The following BRD2 variants were observed in gnomAD, a reference collection of about 807,000 sequenced individuals.
The protein encoded by BRD2 is bromodomain-containing protein 2.
BRD2 carries 15 observed loss-of-function variants against 79.1 expected under a neutral mutation model. The ratio of observed to expected loss-of-function variants is 0.19; its 90% confidence interval spans 0.13 to 0.29. The LOEUF (loss-of-function observed/expected upper bound fraction) is 0.29. Among genes scored for constraint, BRD2 ranks in the 10% least tolerant of loss-of-function variants. The probability of loss-of-function intolerance (pLI) is 1.00; values close to 1 mark genes in which losing one functional copy is unlikely to be tolerated. For synonymous variants in BRD2, 488 were observed against 358.6 expected, an observed-to-expected ratio of 1.36 and a Z score of -4.08; for missense variants, 1,053 against 991.3, an observed-to-expected ratio of 1.06 and a Z score of -0.84.
intron 2 of BRD2, among the ~76,000 whole-genome samples, chr6:32,973,350 G>C (rs12196639): frequency 0.025 from 3,837 of 152,202 alleles, 71 homozygotes; most frequent in Middle Eastern, 0.034. Context: ...GACTGGCAAC[G>C]GGGATTCCCA....
intron 3 of BRD2, chr6:32,975,173 A>G (rs1182040613): frequency 2.9e-6 from 4 of 1,395,746 alleles, no homozygotes; most frequent in Non-Finnish European, 3.9e-6. Context: ...AGAGAAAGGC[A>G]GCAGGGGCCT....
Position 32,976,022 on chromosome 6 carries a change from T to G in BRD2, c.472-9T>G. Reference sequence around the variant, plus strand: ...TTAACTTTCTTTATTGCTGTCTGTGTTCTCATAGCCCACTGATGATATTGT... The same window carrying G: ...TTAACTTTCTTTATTGCTGTCTGTGGTCTCATAGCCCACTGATGATATTGT... On this transcript the variant is annotated splice_polypyrimidine_tract_variant and intron_variant, in intron 4 of 12. Transcript: ENST00000374825. The G allele has an allele frequency of 6.3e-7, 1 of 1,589,956 alleles. No individual in the cohort carries two copies. The highest frequency in any genetic ancestry group is 1.1e-5 in the South Asian group (1 of 87,016).
At chr6:32,973,295 C>T (rs902263244) in intron 2 of BRD2, among the ~76,000 whole-genome samples, 6 of 152,054 alleles carry the variant, frequency 3.9e-5, no homozygotes, top group East Asian at 1.9e-4. Context: ...TTCACGGACA[C>T]CTCTAGCGCC....
At chr6:32,977,131 T>G (rs1024601328) in intron 7 of BRD2, 195 bp downstream of exon 7, 7 of 1,257,736 alleles carry the variant, frequency 5.6e-6, no homozygotes, top group Non-Finnish European at 5.4e-6. Flanking sequence ...GGGTGGGGTT[T>G]CTTTGTCTTG....
Position 32,969,220 on chromosome 6 carries a change from G to A in BRD2, c.-1305+164G>A, listed in dbSNP as rs1777727773. The stretch of plus-strand genomic sequence containing the variant: ...TGGGAGCGTGGAGGGGGGGCGAGCG[G>A]GAGAGGGCCATGGGGGGGGAGGGGA... On this transcript the variant is annotated intron_variant, in intron 1 of 12. Coordinates refer to ENST00000374825, the MANE Select transcript of BRD2 (RefSeq NM_005104.4). 7.4e-6 allele frequency: 4 copies of A among 542,730 alleles called. No individual in the cohort carries two copies. The South Asian group carries it at 7.7e-5, about 10-fold the overall frequency. The allele number at this position is 542,730 out of a possible 1,614,324, so 33.6% of individuals were successfully genotyped here. A position where few individuals can be genotyped will look rare whatever the true frequency, so the allele number is the denominator to read the frequency against.
chr6:32,977,851 A>T lies in BRD2; in HGVS notation c.1424A>T (p.Lys475Ile), dbSNP rs751063771. 6.2e-7 allele frequency: 1 copy of T among 1,613,012 alleles called. No homozygotes were observed. Among genetic ancestry groups the T allele is most frequent in the African/African-American group, 1.3e-5 (1 of 74,922 alleles). ...ACTGCCATGCCCCCTGGCTTGGCCA[A>T]ATCGTCTTCAGAGTCCTCCAGTGAG... ...VSTAMPPGLA[K>I]SSSESSSEES... is the part of the protein sequence containing the mutation. Residue 475 changes from lysine to isoleucine, a missense_variant, in exon 9 of 13, where the codon AAA becomes ATA. Lys to Ile is a moderately radical substitution (Grantham distance 102, BLOSUM62 -3). Transcript: ENST00000374825.
intron 9 of BRD2, 37 bp downstream of exon 9, chr6:32,978,042 AG>A: frequency 6.2e-7 from 1 of 1,604,562 alleles, no homozygotes; most frequent in Non-Finnish European, 8.5e-7. Flanking sequence ...ATTGGGTAAG[AG>A]GTTCATGCCC....
chr6:32,976,130 A>G lies in BRD2; in HGVS notation c.571A>G (p.Ile191Val), dbSNP rs779198098. ...PQEEQELVVT[I>V]PKNSHKKGAK... ...AGAAGAACAAGAGCTGGTAGTGACCATCCCTAAGAACAGCCACAAGAAGGG... is the reference window on the plus strand; with the variant it reads ...AGAAGAACAAGAGCTGGTAGTGACCGTCCCTAAGAACAGCCACAAGAAGGG... The change falls in exon 5 of 13, where the codon ATC becomes GTC. Residue 191 changes from isoleucine to valine, a missense_variant. Coordinates refer to ENST00000374825, the MANE Select transcript of BRD2 (RefSeq NM_005104.4). The G allele has an allele frequency of 1.2e-6, 2 of 1,612,818 alleles. No homozygotes were observed. The highest frequency in any genetic ancestry group is 2.2e-5 in the East Asian group (1 of 44,908).
chr6:32,977,246 A>T, intron 7 of BRD2, 196 bp from the exon 8 acceptor site: 2 of 1,537,716 alleles, frequency 1.3e-6, no homozygotes, highest in Non-Finnish European at 1.7e-6. Context: ...CTTAGAAATG[A>T]TTTCTTTTTC....
rs1453343660 is a variant in BRD2 at position 32,978,309 on chromosome 6, A to G, written c.1762A>G (p.Lys588Glu). 5.0e-6 allele frequency: 8 copies of G among 1,612,956 alleles called. No homozygotes were observed. The highest frequency in any genetic ancestry group is 6.8e-6 in the Non-Finnish European group (8 of 1,180,030). Residue 588 changes from lysine to glutamate, a missense_variant, in exon 10 of 13, where the codon AAG (lysine) becomes GAG (glutamate). Coordinates refer to ENST00000374825, the MANE Select transcript of BRD2 (RefSeq NM_005104.4). ...CCGCCCACCTCAACCTAAGAAGTCC[A>G]AGAAAGCAAGTGGCAGTGGGGGTGG... is the stretch of plus-strand genomic sequence containing the variant. The part of the protein sequence containing the change: ...APRPPQPKKS[K>E]KASGSGGGSA...
chr6:32,970,560 A>T (rs867551075), intron 1 of BRD2: 4 of 151,970 alleles, frequency 2.6e-5, no homozygotes, highest in Non-Finnish European at 5.9e-5. Context: ...TACGTTGATT[A>T]TTTTTCCCAG....
Position 32,981,258 on chromosome 6 carries a change from C to G in BRD2, c.*540C>G, listed in dbSNP as rs1005462885. On this transcript the variant is annotated 3_prime_UTR_variant, in exon 13 of 13. Transcript: ENST00000374825. ...GTTTCAGTCATCTCCCCATTTGGTC[C>G]CCTGGACTGTCTTTGTTGATTCTAA... 7 of 153,002 alleles carry G rather than the reference C, an allele frequency of 4.6e-5. No individual in the cohort carries two copies. Among genetic ancestry groups the G allele is most frequent in the African/African-American group, 1.7e-4 (7 of 41,332 alleles). The allele number at this position is 153,002 out of a possible 1,614,324, so 9.5% of individuals were successfully genotyped here.
intron 7 of BRD2, 117 bp downstream of exon 7, chr6:32,977,053 A>G: frequency 7.4e-7 from 1 of 1,359,942 alleles, no homozygotes; most frequent in Non-Finnish European, 9.8e-7. Flanking sequence ...TTTTACTTTT[A>G]TAAAATAATA....
chr6:32,969,889 C>T (rs749016438), intron 1 of BRD2, among the ~76,000 whole-genome samples: 1 of 152,174 alleles, frequency 6.6e-6, no homozygotes, highest in African/African-American at 2.4e-5. Flanking sequence ...CTCATCCCCT[C>T]CCCCAGTCCT....
At position 32,972,620 on chromosome 6, in the gene BRD2, T is replaced by C; in HGVS notation, c.-279T>C. On this transcript the variant is annotated 5_prime_UTR_variant, in exon 2 of 13. Coordinates refer to ENST00000374825, the MANE Select transcript of BRD2 (RefSeq NM_005104.4). ...GGTGTCTGAGATCGGGGACCGTCTT[T>C]TGAAGAGTCAGTCCCTCCTTAGTTG... The C allele has an allele frequency of 1.7e-6, 1 of 577,636 alleles. No individual in the cohort carries two copies. Among genetic ancestry groups the C allele is most frequent in the Non-Finnish European group, 3.1e-6 (1 of 324,170 alleles). 35.8% of individuals were successfully genotyped at this position (577,636 alleles called of 1,614,324 possible). A position where few individuals can be genotyped will look rare whatever the true frequency, so the allele number is the denominator to read the frequency against.
Position 32,976,330 on chromosome 6 carries a change from C to T in BRD2, c.691C>T (p.Pro231Ser). The change falls in exon 6 of 13, where the codon CCT becomes TCT. Residue 231 changes from proline to serine, a missense_variant. Coordinates refer to ENST00000374825, the MANE Select transcript of BRD2 (RefSeq NM_005104.4). ...VSHTALYTPP[P>S]EIPTTVLNIP... ...ACACACAGCCCTGTATACTCCTCCA[C>T]CTGAGATACCTACCACTGTCCTCAA... 2 of 1,613,056 alleles carry T rather than the reference C, an allele frequency of 1.2e-6. No homozygotes were observed. The highest frequency in any genetic ancestry group is 1.7e-6 in the Non-Finnish European group (2 of 1,180,020).
chr6:32,976,005 C>G (rs374270091), intron 4 of BRD2, 26 bp from the exon 5 acceptor site: 39 of 1,576,236 alleles, frequency 2.5e-5, no homozygotes, highest in Non-Finnish European at 3.2e-5. Flanking sequence ...TTTTAACTTT[C>G]TTTATTGCTG....
rs1174934739 is a variant in BRD2, at chr6:32,981,291, A to G, written c.*573A>G. ...TGTCTTTGTTGATTCTAACTTGTAA[A>G]TAAAGAAAATATTATTCAAGTTTTG... On this transcript the variant is annotated 3_prime_UTR_variant, in exon 13 of 13. Coordinates refer to ENST00000374825, the MANE Select transcript of BRD2 (RefSeq NM_005104.4). The G allele has an allele frequency of 6.6e-6, 1 of 152,208 alleles. No homozygotes were observed. The highest frequency in any genetic ancestry group is 1.5e-5 in the Non-Finnish European group (1 of 68,102). The allele number at this position is 152,208 out of a possible 1,614,324, so 9.4% of individuals were successfully genotyped here. A position where few individuals can be genotyped will look rare whatever the true frequency, so the allele number is the denominator to read the frequency against.
At position 32,971,583 on chromosome 6, in the gene BRD2, T is replaced by C. The variant is rs1561920407; in HGVS notation, c.-1304-12T>C. On this transcript the variant is annotated splice_polypyrimidine_tract_variant and intron_variant, in intron 1 of 12. Coordinates refer to ENST00000374825, the MANE Select transcript of BRD2 (RefSeq NM_005104.4). ...CGCGGCTTCTAAGATGGCGTCTTTT[T>C]CCTCGTTTCAGATTCTTCGCTGCTG... is the stretch of plus-strand genomic sequence containing the variant. 2.2e-6 allele frequency: 1 copy of C among 455,540 alleles called. No homozygotes were observed. Among genetic ancestry groups the C allele is most frequent in the Non-Finnish European group, 3.9e-6 (1 of 258,634 alleles). The allele number at this position is 455,540 out of a possible 1,614,324, so 28.2% of individuals were successfully genotyped here.
Sources: gnomAD v4.1 joint callset for allele counts (sites outside exome capture counted in the v4.1 genomes callset) on GRCh38, gnomAD v4.1.1 for gene constraint, MANE v1.5 for transcripts, NCBI Gene and HGNC (gene_info 2026-07-23, HGNC 2026-07-21) for gene names.